Variants in SOCS2 observed in about 807,000 individuals in gnomAD.
SOCS2 encodes suppressor of cytokine signaling 2, also known as CIS-2.
SOCS2 carries 10 observed loss-of-function variants against 18.6 expected under a neutral mutation model. The ratio of observed to expected loss-of-function variants is 0.54; its 90% CI spans 0.33 to 0.91. The LOEUF is 0.91. SOCS2 is among the 40% of genes least tolerant of loss of function. SOCS2 has a pLI of 0.02. For missense variants in SOCS2, 231 were observed against 247.2 expected, an observed-to-expected ratio of 0.93 and a Z score of 0.44; for synonymous variants, 104 against 104.0, an observed-to-expected ratio of 1.00 and a Z score of 0.00.
the SOCS2 span, among the ~76,000 whole-genome samples, chr12:93,606,337 A>G: frequency 0.015 from 2,319 of 152,288 alleles, 69 homozygotes; most frequent in African/African-American, 0.053. Context: ...GATAGTTTCT[A>G]TTAATCCTTC....
chr12:93,581,467 A>G (rs1241436646), downstream of SOCS2, among the ~76,000 whole-genome samples: 1 of 151,108 alleles, frequency 6.6e-6, no homozygotes, highest in African/African-American at 2.4e-5. Context: ...ATTGTCTTCT[A>G]CTATGGATCA....
chr12:93,605,936 A>G, the SOCS2 span, among the ~76,000 whole-genome samples: 169 of 152,372 alleles, frequency 1.1e-3, no homozygotes, highest in African/African-American at 3.8e-3. Flanking sequence ...ATATGCCTGA[A>G]CAGAGACCCA....
the SOCS2 span, among the ~76,000 whole-genome samples, chr12:93,616,884 T>A: frequency 2.6e-5 from 4 of 152,184 alleles, no homozygotes; most frequent in Admixed American, 6.5e-5. Context: ...TCTTCTCGAT[T>A]AATGAAAAAA....
At chr12:93,622,969 T>G in the SOCS2 span, among the ~76,000 whole-genome samples, 4 of 152,186 alleles carry the variant, frequency 2.6e-5, no homozygotes, top group Non-Finnish European at 4.4e-5. Context: ...AGGAATCCAT[T>G]TTAGGTTCAA....
At chr12:93,622,713 G>A in the SOCS2 span, among the ~76,000 whole-genome samples, 1 of 152,156 alleles carries the variant, frequency 6.6e-6, no homozygotes, top group African/African-American at 2.4e-5. Flanking sequence ...AAGGCAGGAT[G>A]TGCCTATAAG....
chr12:93,613,301 C>T, the SOCS2 span, among the ~76,000 whole-genome samples: 4 of 152,218 alleles, frequency 2.6e-5, no homozygotes, highest in African/African-American at 9.6e-5. Context: ...AGTAATTTCT[C>T]ATCCTCATGT....
the SOCS2 span, among the ~76,000 whole-genome samples, chr12:93,589,476 G>C: frequency 6.6e-6 from 1 of 152,158 alleles, no homozygotes; most frequent in Non-Finnish European, 1.5e-5. Flanking sequence ...TTTAGTGATG[G>C]TGGGTTAAAT....
At chr12:93,614,435 C>T in the SOCS2 span, among the ~76,000 whole-genome samples, 33 of 44,310 alleles carry the variant, frequency 7.4e-4, no homozygotes, top group African/African-American at 3.4e-3. Context: ...CTTTCCCTTC[C>T]TTCCTTCCTT....
At chr12:93,592,368 A>G in the SOCS2 span, among the ~76,000 whole-genome samples, 2 of 152,212 alleles carry the variant, frequency 1.3e-5, no homozygotes, top group Non-Finnish European at 2.9e-5. Flanking sequence ...ATGTACCATT[A>G]CTGATTGAAT....
chr12:93,622,984 GC>G, the SOCS2 span, among the ~76,000 whole-genome samples: 1 of 152,176 alleles, frequency 6.6e-6, no homozygotes, highest in South Asian at 2.1e-4. Context: ...GTTCAAAGTA[GC>G]ATGATAACTT....
downstream of SOCS2, among the ~76,000 whole-genome samples, chr12:93,584,861 CA>C (rs1291395278): frequency 6.6e-6 from 1 of 152,066 alleles, no homozygotes; most frequent in Non-Finnish European, 1.5e-5. Flanking sequence ...CTCCCAGGTT[CA>C]AGTGATTCTC....
chr12:93,625,745 CAAAAA>C, the SOCS2 span, among the ~76,000 whole-genome samples: 1,254 of 62,490 alleles, frequency 0.02, 27 homozygotes, highest in African/African-American at 0.053. Flanking sequence ...GAGACCATCT[CAAAAA>C]AAAAAAAAAA....
the SOCS2 span, among the ~76,000 whole-genome samples, chr12:93,605,427 C>T: frequency 1.3e-5 from 2 of 152,128 alleles, no homozygotes; most frequent in Admixed American, 6.5e-5. Flanking sequence ...GTGGATGAGG[C>T]CAGGGGCTTC....
At chr12:93,573,435 C>T (rs1954336283) in intron 1 of SOCS2, 2 of 389,256 alleles carry the variant, frequency 5.1e-6, no homozygotes, top group African/African-American at 4.2e-5. Flanking sequence ...GCATCTGGCT[C>T]CCGGGCGGAG....
At chr12:93,577,676 C>A (rs575435415), downstream of SOCS2, among the ~76,000 whole-genome samples, 21 of 147,844 alleles carry the variant, frequency 1.4e-4, no homozygotes, top group Non-Finnish European at 2.9e-4. Context: ...AGTATAGATA[C>A]CTTAATTAGC....
Position 93,576,372 on chromosome 12 carries a change from C to T in SOCS2, c.*1193C>T, listed in dbSNP as rs1166361862. On this transcript the variant is annotated 3_prime_UTR_variant, in exon 2 of 2. Transcript: ENST00000551556. Reference sequence around the variant, plus strand: ...CCTGCCCCCTTTGCAATTTGGAAAGCATGGTTTAGAAACTACAGGCATTGT... The same window carrying T: ...CCTGCCCCCTTTGCAATTTGGAAAGTATGGTTTAGAAACTACAGGCATTGT... The T allele has an allele frequency of 6.6e-6, 1 of 152,256 alleles. No individual in the cohort carries two copies. Among genetic ancestry groups the T allele is most frequent in the Non-Finnish European group, 1.5e-5 (1 of 68,030 alleles). 9.4% of individuals were successfully genotyped at this position (152,256 alleles called of 1,614,324 possible). A position where few individuals can be genotyped will look rare whatever the true frequency, so the allele number is the denominator to read the frequency against.
the SOCS2 span, among the ~76,000 whole-genome samples, chr12:93,607,956 C>A: frequency 1.3e-5 from 2 of 149,428 alleles, no homozygotes; most frequent in African/African-American, 4.9e-5. Flanking sequence ...ATTAGTCTGT[C>A]AACTAAATTT....
At chr12:93,611,635 TA>T in the SOCS2 span, among the ~76,000 whole-genome samples, 9 of 152,318 alleles carry the variant, frequency 5.9e-5, no homozygotes, top group South Asian at 2.1e-4. Flanking sequence ...AAAATGTATT[TA>T]AAAAATTCTC....
the SOCS2 span, among the ~76,000 whole-genome samples, chr12:93,625,146 T>A: frequency 6.6e-6 from 1 of 152,252 alleles, no homozygotes; most frequent in African/African-American, 2.4e-5. Flanking sequence ...ATTCACTGAC[T>A]ATCTGGTCAT....
Sources: gnomAD v4.1 joint callset for allele counts (sites outside exome capture counted in the v4.1 genomes callset) on GRCh38, gnomAD v4.1.1 for gene constraint, MANE v1.5 for transcripts, NCBI Gene and HGNC (gene_info 2026-07-23, HGNC 2026-07-21) for gene names.